The following SPATA1 variants were observed in gnomAD, a reference collection of about 807,000 sequenced individuals.
The protein encoded by SPATA1 is spermatogenesis associated 1.
In SPATA1, 57 loss-of-function variants were observed where a neutral mutation model predicts 59.6. The ratio of observed to expected loss-of-function variants is 0.96; its 90% CI spans 0.77 to 1.19. SPATA1 has a LOEUF of 1.19. Among genes scored for constraint, SPATA1 ranks in the 50% most tolerant of loss-of-function variants. SPATA1 has a pLI of 0.00. For synonymous variants in SPATA1, 147 were observed against 163.9 expected (o/e 0.90, Z 0.79); for missense variants, 448 against 480.7 (o/e 0.93, Z 0.64).
At chr1:84,563,272 A>G in intron 4 of SPATA1, 1 of 1,552,924 alleles carries the variant, frequency 6.4e-7, no homozygotes. Flanking sequence ...AGTTATAATA[A>G]GGAGCCCGCT....
intron 7 of SPATA1, 133 bp from the exon 8 acceptor site, chr1:84,533,576 A>G: frequency 1.5e-6 from 1 of 680,536 alleles, no homozygotes; most frequent in South Asian, 1.8e-5. Flanking sequence ...ACATATGATA[A>G]TGGTCTCAGG....
chr1:84,536,611 T>C (rs1024175767), intron 8 of SPATA1, among the ~76,000 whole-genome samples: 3 of 151,658 alleles, frequency 2.0e-5, no homozygotes, highest in Non-Finnish European at 4.4e-5. Flanking sequence ...GCCCGGCTAA[T>C]TTTTTTGTAT....
downstream of SPATA1, among the ~76,000 whole-genome samples, chr1:84,556,450 G>A (rs779612024): frequency 2.6e-5 from 4 of 151,940 alleles, no homozygotes; most frequent in Admixed American, 6.6e-5. Context: ...CGGTGTCTCA[G>A]GCCTGTAATA....
At chr1:84,552,956 C>A in intron 12 of SPATA1, 2 of 942,844 alleles carry the variant, frequency 2.1e-6, no homozygotes, top group Non-Finnish European at 3.1e-6. Context: ...GTTACAAAAA[C>A]CCTGTTTACA....
At chr1:84,524,708 C>A (rs1016002865) in intron 4 of SPATA1, among the ~76,000 whole-genome samples, 1 of 152,198 alleles carries the variant, frequency 6.6e-6, no homozygotes, top group Non-Finnish European at 1.5e-5. Context: ...TGTTTCTTTT[C>A]ATAATTCAGG....
Position 84,548,902 on chromosome 1 carries a change from C to T in SPATA1, c.1063C>T (p.Gln355Ter). Residue 355 changes from glutamine (Q) to a stop codon, truncating the protein, a stop_gained, in exon 11 of 13, where the codon CAA becomes TAA. Coordinates refer to ENST00000490879, the Ensembl canonical transcript of SPATA1. LOFTEE classifies it high-confidence loss of function. ...ACTCTACTATAAAAAACTGCTCATG[C>T]AACTTGAAGCCAGGGAGATCAAGAT... 4.4e-6 allele frequency: 7 copies of T among 1,607,304 alleles called. No homozygotes were observed. The highest frequency in any genetic ancestry group is 5.1e-6 in the Non-Finnish European group (6 of 1,176,876).
chr1:84,525,663 A>G (rs112113340), intron 4 of SPATA1, 33 bp from the exon 5 acceptor site: 4 of 1,542,952 alleles, frequency 2.6e-6, no homozygotes, highest in African/African-American at 2.8e-5. Flanking sequence ...ATGTAGCAAA[A>G]GCTTTAATTT....
chr1:84,530,572 G>A (rs1392554861), intron 6 of SPATA1, among the ~76,000 whole-genome samples: 1 of 152,184 alleles, frequency 6.6e-6, no homozygotes, highest in African/African-American at 2.4e-5. Context: ...TAGGTGACAA[G>A]ATGGAAAATA....
At chr1:84,512,587 G>T (rs1377305180) in intron 1 of SPATA1, among the ~76,000 whole-genome samples, 1 of 152,188 alleles carries the variant, frequency 6.6e-6, no homozygotes, top group African/African-American at 2.4e-5. Context: ...TCTTAAGCTT[G>T]ATTTTCAGCT....
At chr1:84,543,022 CAAT>C (rs751295828) in intron 8 of SPATA1, among the ~76,000 whole-genome samples, 9 of 151,944 alleles carry the variant, frequency 5.9e-5, no homozygotes, top group African/African-American at 9.7e-5. Flanking sequence ...ATAACAAAAA[CAAT>C]AATAATAAAA....
chr1:84,516,091 A>G (rs1682781858), intron 1 of SPATA1, 132 bp from the exon 2 acceptor site: 1 of 322,074 alleles, frequency 3.1e-6, no homozygotes, highest in Non-Finnish European at 5.6e-6. Flanking sequence ...TGCTCATTTT[A>G]TTACACAGTC....
intron 6 of SPATA1, 44 bp downstream of exon 6, chr1:84,526,117 T>A: frequency 1.3e-6 from 2 of 1,508,112 alleles, no homozygotes; most frequent in Non-Finnish European, 1.8e-6. Flanking sequence ...GCTATTATAG[T>A]ACATTTTAGC....
intron 10 of SPATA1, among the ~76,000 whole-genome samples, chr1:84,547,211 G>GA (rs1254176178): frequency 4.6e-5 from 7 of 152,204 alleles, no homozygotes; most frequent in Non-Finnish European, 8.8e-5. Flanking sequence ...ACAATGGACT[G>GA]AAAATCACAG....
chr1:84,567,121 G>C (rs971732477), downstream of SPATA1, among the ~76,000 whole-genome samples: 1 of 152,042 alleles, frequency 6.6e-6, no homozygotes, highest in Non-Finnish European at 1.5e-5. Flanking sequence ...AGATACTTTA[G>C]GTAACATTTT....
downstream of SPATA1, among the ~76,000 whole-genome samples, chr1:84,567,249 C>A (rs897410045): frequency 6.6e-6 from 1 of 152,102 alleles, no homozygotes; most frequent in Non-Finnish European, 1.5e-5. Context: ...AGTTTTCCAA[C>A]AAAATAAGTT....
downstream of SPATA1, chr1:84,555,030 TC>T (rs753793114): frequency 5.6e-6 from 9 of 1,613,880 alleles, no homozygotes; most frequent in African/African-American, 1.2e-4. Flanking sequence ...CTTTAAGACT[TC>T]CCACATTTCT....
exon 6 of SPATA1, chr1:84,525,905 C>T: frequency 6.2e-7 from 1 of 1,613,634 alleles, no homozygotes; most frequent in Non-Finnish European, 8.5e-7. Flanking sequence ...TGTTTATTCA[C>T]CATCAACAGT....
At position 84,548,770 on chromosome 1, in the gene SPATA1, T is replaced by C; in HGVS notation, c.947-16T>C. 7 of 1,115,726 alleles carry C rather than the reference T, an allele frequency of 6.3e-6. No individual in the cohort carries two copies. Among genetic ancestry groups the C allele is most frequent in the Non-Finnish European group, 7.8e-6 (7 of 891,974 alleles). 69.1% of individuals were successfully genotyped at this position (1,115,726 alleles called of 1,614,324 possible). A position where few individuals can be genotyped will look rare whatever the true frequency, so the allele number is the denominator to read the frequency against. The stretch of plus-strand genomic sequence containing the variant: ...CTTTCCTTTTTTTTTTTTTTTTTTT[T>C]TTTTTTTTTTTATAGCCTACAATGG... On this transcript the variant is annotated splice_polypyrimidine_tract_variant and intron_variant, in intron 10 of 12. Coordinates refer to ENST00000490879, the Ensembl canonical transcript of SPATA1.
intron 10 of SPATA1, among the ~76,000 whole-genome samples, chr1:84,546,747 T>A: frequency 6.6e-6 from 1 of 152,198 alleles, no homozygotes; most frequent in East Asian, 1.9e-4. Flanking sequence ...TATCACTTAC[T>A]GTAGAAGCCT....
Sources: gnomAD v4.1 joint callset for allele counts (sites outside exome capture counted in the v4.1 genomes callset) on GRCh38, gnomAD v4.1.1 for gene constraint, MANE v1.5 for transcripts, NCBI Gene and HGNC (gene_info 2026-07-23, HGNC 2026-07-21) for gene names.